Variants in MYCBP2 observed in about 807,000 individuals in gnomAD.
MYCBP2 encodes MYC binding protein 2.
A neutral mutation model predicts 525.3 loss-of-function variants in MYCBP2; 120 were observed. The ratio of observed to expected loss-of-function variants is 0.23; its 90% CI spans 0.20 to 0.27. The LOEUF is 0.27. MYCBP2 is among the 10% of genes least tolerant of loss of function. The pLI is 1.00. For synonymous variants in MYCBP2, 1,894 were observed against 1,955.8 expected, an observed-to-expected ratio of 0.97 and a Z score of 0.83; for missense variants, 4,149 against 5,657.1, an observed-to-expected ratio of 0.73 and a Z score of 8.55.
chr13:77,240,165 T>C (rs1448239345), intron 17 of MYCBP2, among the ~76,000 whole-genome samples: 1 of 152,196 alleles, frequency 6.6e-6, no homozygotes, highest in Non-Finnish European at 1.5e-5. Flanking sequence ...AATATAAAGA[T>C]AAAATCATAA....
intron 75 of MYCBP2, 116 bp from the exon 76 acceptor site, chr13:77,061,417 T>C (rs2039277948): frequency 2.1e-6 from 2 of 967,472 alleles, no homozygotes; most frequent in African/African-American, 1.7e-5. Context: ...CTCTAAGAAG[T>C]TTTGAATATT....
chr13:77,217,500 A>G (rs2064990641), intron 21 of MYCBP2, among the ~76,000 whole-genome samples: 1 of 152,228 alleles, frequency 6.6e-6, no homozygotes, highest in African/African-American at 2.4e-5. Flanking sequence ...CTATGTGTTA[A>G]GAAAAATTCA....
At chr13:77,192,833 C>G (rs2061412486) in intron 27 of MYCBP2, among the ~76,000 whole-genome samples, 1 of 152,032 alleles carries the variant, frequency 6.6e-6, no homozygotes. Flanking sequence ...CTCATATGGT[C>G]AAAAACAAAT....
intron 5 of MYCBP2, among the ~76,000 whole-genome samples, chr13:77,272,930 T>C (rs2075079635): frequency 6.6e-6 from 1 of 152,200 alleles, no homozygotes; most frequent in Non-Finnish European, 1.5e-5. Context: ...AGTTTGCCTA[T>C]AAGGATTATT....
rs969347007 is a variant in MYCBP2, at chr13:77,290,735, A to G, written c.379-2359T>C. On this transcript the variant is annotated intron_variant, in intron 2 of 82. Transcript: ENST00000544440. ...GAGGAAGGAAGATACCTGTGGCTAT[A>G]AAGGATATCACAGAGAATCCTTGTG... Among the ~76,000 whole-genome samples, 4 of 152,224 alleles carry G rather than the reference A, an allele frequency of 2.6e-5. 1 individual carries two copies. The highest frequency in any genetic ancestry group is 9.6e-5 in the African/African-American group (4 of 41,454).
intron 1 of MYCBP2, among the ~76,000 whole-genome samples, chr13:77,324,778 A>T (rs2082094113): frequency 6.6e-6 from 1 of 152,252 alleles, no homozygotes; most frequent in South Asian, 2.1e-4. Flanking sequence ...ATCATATTAC[A>T]CTAGTAGTAG....
chr13:77,173,191 A>G (rs968810485), intron 37 of MYCBP2, among the ~76,000 whole-genome samples: 2 of 152,244 alleles, frequency 1.3e-5, no homozygotes, highest in Non-Finnish European at 2.9e-5. Flanking sequence ...TTTCATTTAT[A>G]AAAAATGTAA....
At chr13:77,321,517 T>C (rs547998622) in intron 1 of MYCBP2, among the ~76,000 whole-genome samples, 3 of 152,248 alleles carry the variant, frequency 2.0e-5, no homozygotes, top group Non-Finnish European at 4.4e-5. Flanking sequence ...CAGTGTCTAC[T>C]GAATAAAATC....
Position 77,062,653 on chromosome 13 carries a change from G to A in MYCBP2, c.12717C>T (p.His4239=), listed in dbSNP as rs752698187. The change falls in exon 74 of 83, where the codon CAC becomes CAT. Residue 4239 remains histidine (H), a synonymous_variant. Coordinates refer to ENST00000544440, the MANE Select transcript of MYCBP2 (RefSeq NM_015057.5). ...LASLCVLDQD[H]VDRLSSGRWM... is the part of the protein sequence containing the mutation. ...ATCTCCCCGAGGAGAGACGATCTAC[G>A]TGGTCCTGATCAAGAACACATAGGG... is the stretch of plus-strand genomic sequence containing the variant. 24 of 1,614,020 alleles carry A rather than the reference G, an allele frequency of 1.5e-5. No homozygotes were observed. The highest frequency in any genetic ancestry group is 1.3e-4 in the Admixed American group (8 of 60,000).
chr13:77,280,604 ATACAGTTTCC>A (rs1048386671), intron 3 of MYCBP2, among the ~76,000 whole-genome samples: 18 of 152,348 alleles, frequency 1.2e-4, no homozygotes, highest in African/African-American at 4.3e-4. Flanking sequence ...TTTATTATAG[ATACAGTTTCC>A]TACGGTGACA....
At chr13:77,144,231 G>A (rs2055157249) in intron 49 of MYCBP2, 2 of 524,174 alleles carry the variant, frequency 3.8e-6, no homozygotes, top group Non-Finnish European at 6.8e-6. Flanking sequence ...AGAGAGTCAT[G>A]AGGGCTACAG....
chr13:77,202,978 C>G (rs1049641082), intron 26 of MYCBP2, among the ~76,000 whole-genome samples: 1 of 151,808 alleles, frequency 6.6e-6, no homozygotes, highest in Non-Finnish European at 1.5e-5. Flanking sequence ...CCTTTGAAAA[C>G]TGGCACAAGA....
chr13:77,102,756 T>C (rs1433954457), intron 55 of MYCBP2, among the ~76,000 whole-genome samples: 1 of 151,770 alleles, frequency 6.6e-6, no homozygotes, highest in Non-Finnish European at 1.5e-5. Context: ...TTAAAAACTT[T>C]AAGTTCATTA....
At chr13:77,314,103 T>A (rs2154377981) in intron 1 of MYCBP2, among the ~76,000 whole-genome samples, 1 of 152,316 alleles carries the variant, frequency 6.6e-6, no homozygotes, top group East Asian at 1.9e-4. Flanking sequence ...GGTGATTTCC[T>A]ACAAAAACTA....
At chr13:77,221,399 C>A (rs1352728999) in intron 20 of MYCBP2, among the ~76,000 whole-genome samples, 1 of 152,114 alleles carries the variant, frequency 6.6e-6, no homozygotes, top group African/African-American at 2.4e-5. Flanking sequence ...GACATGAACA[C>A]CTTCCCTCTC....
chr13:77,139,401 T>C, intron 51 of MYCBP2, 65 bp from the exon 52 acceptor site: 1 of 1,526,594 alleles, frequency 6.6e-7, no homozygotes, highest in Non-Finnish European at 8.9e-7. Flanking sequence ...TAGCAAGGTC[T>C]GAAAGTCTGC....
intron 55 of MYCBP2, among the ~76,000 whole-genome samples, chr13:77,113,409 GTTTT>G (rs2049175749): frequency 6.6e-6 from 1 of 151,586 alleles, no homozygotes. Context: ...AGTGATCATG[GTTTT>G]TTGTTTTTTT....
intron 16 of MYCBP2, 143 bp downstream of exon 16, chr13:77,243,663 T>C (rs1232599398): frequency 4.5e-6 from 3 of 666,336 alleles, no homozygotes; most frequent in African/African-American, 3.8e-5. Context: ...AATGTCATAT[T>C]GTCAGTTACC....
At chr13:77,151,036 A>G in intron 46 of MYCBP2, 87 bp from the exon 47 acceptor site, 2 of 1,052,828 alleles carry the variant, frequency 1.9e-6, no homozygotes, top group African/African-American at 1.6e-5. Flanking sequence ...ATAAACTCAT[A>G]ATTATGTATA....
Sources: allele counts gnomAD v4.1 joint callset (sites outside exome capture counted in the v4.1 genomes callset), GRCh38; gene constraint gnomAD v4.1.1; transcripts MANE v1.5; gene names NCBI Gene and HGNC (gene_info 2026-07-23, HGNC 2026-07-21).